Variants in XRCC4 observed in about 807,000 individuals in gnomAD.
The protein encoded by XRCC4 is X-ray repair cross complementing 4.
In XRCC4, 28 loss-of-function variants were observed where a neutral mutation model predicts 39.1. That is an observed-to-expected ratio of 0.72 (90% confidence interval 0.53 to 0.98). XRCC4 has a LOEUF of 0.98. Ranked by LOEUF, XRCC4 falls within the 50% of genes least tolerant of loss-of-function variation. The pLI is 0.00. For synonymous variants in XRCC4, 123 were observed against 126.4 expected, an observed-to-expected ratio of 0.97 and a Z score of 0.18; for missense variants, 350 against 376.4, an observed-to-expected ratio of 0.93 and a Z score of 0.58.
intron 3 of XRCC4, among the ~76,000 whole-genome samples, chr5:83,134,187 C>T (rs557325076): frequency 5.9e-5 from 9 of 152,160 alleles, no homozygotes; most frequent in East Asian, 1.9e-4. Flanking sequence ...TTGTCTGGAA[C>T]GAGCTCCCTC....
chr5:83,297,920 G>T (rs1755149853), intron 7 of XRCC4, among the ~76,000 whole-genome samples: 1 of 151,872 alleles, frequency 6.6e-6, no homozygotes, highest in African/African-American at 2.4e-5. Flanking sequence ...ATTAACAAAA[G>T]ATTTTGTCTT....
chr5:83,180,800 A>C (rs1322690254), intron 3 of XRCC4, among the ~76,000 whole-genome samples: 1 of 152,164 alleles, frequency 6.6e-6, no homozygotes, highest in Non-Finnish European at 1.5e-5. Flanking sequence ...ACTATGAAAG[A>C]ATACTTTTAT....
the XRCC4 span, among the ~76,000 whole-genome samples, chr5:83,366,451 C>G: frequency 1.3e-5 from 2 of 152,136 alleles, no homozygotes; most frequent in African/African-American, 4.8e-5. Context: ...AAGTTAGTAT[C>G]CTATTTCAAC....
chr5:83,349,780 T>A (rs1757024780), intron 7 of XRCC4, among the ~76,000 whole-genome samples: 1 of 152,184 alleles, frequency 6.6e-6, no homozygotes, highest in African/African-American at 2.4e-5. Context: ...AGCTTTTATT[T>A]TAGATACAGG....
chr5:83,322,277 A>G (rs1445781), intron 7 of XRCC4, among the ~76,000 whole-genome samples: 4,442 of 152,070 alleles, frequency 0.029, 218 homozygotes, highest in African/African-American at 0.1. Context: ...TTAAGCCTCA[A>G]TGTATCTCAG....
intron 3 of XRCC4, among the ~76,000 whole-genome samples, chr5:83,137,100 C>G (rs904953256): frequency 4.6e-5 from 7 of 151,954 alleles, no homozygotes; most frequent in African/African-American, 1.7e-4. Context: ...GATTACCATC[C>G]AAAAGTTATA....
At chr5:83,196,375 T>C (rs1750948151) in intron 4 of XRCC4, among the ~76,000 whole-genome samples, 1 of 152,116 alleles carries the variant, frequency 6.6e-6, no homozygotes, top group African/African-American at 2.4e-5. Context: ...AATAGACTTA[T>C]TTCTCTGGAT....
At chr5:83,238,074 G>T (rs769359111) in intron 6 of XRCC4, among the ~76,000 whole-genome samples, 1 of 152,050 alleles carries the variant, frequency 6.6e-6, no homozygotes, top group Non-Finnish European at 1.5e-5. Flanking sequence ...TCTGGGTTCA[G>T]TGATCCTCCA....
At chr5:83,254,085 T>TG (rs1388731600) in intron 6 of XRCC4, among the ~76,000 whole-genome samples, 1 of 150,984 alleles carries the variant, frequency 6.6e-6, no homozygotes, top group African/African-American at 2.4e-5. Context: ...TTTTTTGTTT[T>TG]TTTTTTTTTC....
intron 3 of XRCC4, among the ~76,000 whole-genome samples, chr5:83,151,644 A>T (rs188575828): frequency 6.6e-6 from 1 of 152,280 alleles, no homozygotes; most frequent in East Asian, 1.9e-4. Context: ...TGGATTGGGG[A>T]TAAAAATAAA....
intron 3 of XRCC4, among the ~76,000 whole-genome samples, chr5:83,116,642 G>T (rs10077601): frequency 0.45 from 49,655 of 109,414 alleles, 10,358 homozygotes; most frequent in African/African-American, 0.47. Flanking sequence ...TTTTTTTTGA[G>T]ATGGAGCCTC....
chr5:83,118,102 A>G (rs1746829119), intron 3 of XRCC4, among the ~76,000 whole-genome samples: 1 of 151,374 alleles, frequency 6.6e-6, no homozygotes, highest in Non-Finnish European at 1.5e-5. Context: ...AATATCTAAA[A>G]CTCTAGAATT....
chr5:83,121,846 C>T (rs1002202959), intron 3 of XRCC4, among the ~76,000 whole-genome samples: 2 of 152,012 alleles, frequency 1.3e-5, no homozygotes, highest in Non-Finnish European at 2.9e-5. Flanking sequence ...GTCTGTGATA[C>T]ATTTTGAGTT....
intron 1 of XRCC4, among the ~76,000 whole-genome samples, chr5:83,099,728 G>A (rs539223033): frequency 4.6e-5 from 7 of 152,224 alleles, no homozygotes; most frequent in African/African-American, 1.7e-4. Context: ...GCTCTGGCTG[G>A]GAGAGGTGCT....
chr5:83,201,059 GT>G (rs1317204413), intron 4 of XRCC4, among the ~76,000 whole-genome samples: 2 of 152,036 alleles, frequency 1.3e-5, no homozygotes, highest in Non-Finnish European at 2.9e-5. Flanking sequence ...ATTTGCCACA[GT>G]TTTTTTAAAA....
chr5:83,083,247 T>C (rs1339928822), intron 1 of XRCC4, among the ~76,000 whole-genome samples: 2 of 152,190 alleles, frequency 1.3e-5, no homozygotes, highest in Non-Finnish European at 2.9e-5. Context: ...GTAAAATCCA[T>C]GAAGGCAGGC....
At chr5:83,276,080 A>G (rs896830819) in intron 7 of XRCC4, among the ~76,000 whole-genome samples, 1 of 152,328 alleles carries the variant, frequency 6.6e-6, no homozygotes. Flanking sequence ...ATGGTACAAA[A>G]GCAATATACA....
chr5:83,291,951 C>CTCTGTGTGTGTG (rs1554072284), intron 7 of XRCC4, among the ~76,000 whole-genome samples: 5 of 143,942 alleles, frequency 3.5e-5, no homozygotes, highest in African/African-American at 1.3e-4. Context: ...ATGTGTATTT[C>CTCTGTGTGTGTG]TGTGTGTGTG....
intron 1 of XRCC4, among the ~76,000 whole-genome samples, chr5:83,087,523 C>A (rs1023262785): frequency 2.1e-5 from 3 of 143,770 alleles, no homozygotes; most frequent in East Asian, 2.2e-4. Flanking sequence ...ATCAGCCAGG[C>A]GTGGTGGTGC....
Sources: allele counts gnomAD v4.1 joint callset (sites outside exome capture counted in the v4.1 genomes callset), GRCh38; gene constraint gnomAD v4.1.1; transcripts MANE v1.5; gene names NCBI Gene and HGNC (gene_info 2026-07-23, HGNC 2026-07-21).